DCDC2: variants seen among roughly 807,000 people sequenced by gnomAD.
DCDC2 encodes the protein doublecortin domain-containing protein 2.
DCDC2 carries 40 observed loss-of-function variants against 50.2 expected under a neutral mutation model. The observed-to-expected ratio is 0.80, with a 90% CI of 0.62 to 1.04. The LOEUF is 1.04. DCDC2 is among the 50% of genes least tolerant of loss of function. DCDC2 has a pLI of 0.00. For synonymous variants in DCDC2, 234 were observed against 210.6 expected (o/e 1.11, Z -0.96); for missense variants, 570 against 581.9 (o/e 0.98, Z 0.21).
In DCDC2 at chr6:24,262,432, C is replaced by T. The variant is rs151134323; in HGVS notation, c.922+15617G>A. ...AATAAACTTGAAAGACAGTCTAGGC[C>T]ACAAAGAGTGCAACTCCTGGGAAAG... On this transcript the variant is annotated intron_variant, in intron 7 of 9. Transcript: ENST00000378454. Among the ~76,000 whole-genome samples, 391 of 152,312 alleles carry T rather than the reference C, an allele frequency of 2.6e-3. 2 individuals carry two copies. Among genetic ancestry groups the T allele is most frequent in the African/African-American group, 8.8e-3 (365 of 41,576 alleles).
intron 7 of DCDC2, among the ~76,000 whole-genome samples, chr6:24,260,231 G>C (rs1038609507): frequency 6.6e-6 from 1 of 152,084 alleles, no homozygotes; most frequent in African/African-American, 2.4e-5. Flanking sequence ...AGCTATAAGG[G>C]ACAGCTAACT....
chr6:24,253,746 T>C (rs1419561869), intron 7 of DCDC2, among the ~76,000 whole-genome samples: 1 of 152,206 alleles, frequency 6.6e-6, no homozygotes, highest in Non-Finnish European at 1.5e-5. Context: ...TTACCATGAA[T>C]GGAGCTTGCA....
At chr6:24,271,262 A>AAAG (rs140552651) in intron 7 of DCDC2, among the ~76,000 whole-genome samples, 78 of 151,698 alleles carry the variant, frequency 5.1e-4, no homozygotes, top group African/African-American at 1.9e-3. Flanking sequence ...AAAAAGAAAA[A>AAAG]AAGAGAAAGG....
At chr6:24,379,650 G>C in the DCDC2 span, among the ~76,000 whole-genome samples, 1 of 152,116 alleles carries the variant, frequency 6.6e-6, no homozygotes, top group Non-Finnish European at 1.5e-5. Flanking sequence ...CAAAGATCTA[G>C]AACTAGAAAT....
At chr6:24,327,499 G>GT (rs1257016072) in intron 2 of DCDC2, among the ~76,000 whole-genome samples, 2 of 140,990 alleles carry the variant, frequency 1.4e-5, no homozygotes, top group African/African-American at 5.3e-5. Context: ...CTGATACGGA[G>GT]TTTTGCTCTT....
At chr6:24,223,568 A>G (rs1581596336) in intron 7 of DCDC2, among the ~76,000 whole-genome samples, 1 of 152,238 alleles carries the variant, frequency 6.6e-6, no homozygotes, top group East Asian at 1.9e-4. Flanking sequence ...TAGCAAATGA[A>G]TAACTGAATA....
intron 8 of DCDC2, among the ~76,000 whole-genome samples, chr6:24,200,382 C>A (rs1357980436): frequency 6.6e-6 from 1 of 152,160 alleles, no homozygotes; most frequent in Non-Finnish European, 1.5e-5. Context: ...GAATTTTCAA[C>A]CCAGATTTTC....
intron 2 of DCDC2, among the ~76,000 whole-genome samples, chr6:24,350,597 T>C (rs780813827): frequency 2.6e-5 from 4 of 152,142 alleles, no homozygotes; most frequent in Non-Finnish European, 4.4e-5. Context: ...TTTTGGTGAG[T>C]AAGTTATTTT....
intron 7 of DCDC2, among the ~76,000 whole-genome samples, chr6:24,230,091 C>CAT (rs1158767491): frequency 6.6e-6 from 1 of 152,192 alleles, no homozygotes; most frequent in Non-Finnish European, 1.5e-5. Context: ...AAACTTAAAA[C>CAT]ATAAAGTTTT....
At chr6:24,330,842 C>G (rs947461919) in intron 2 of DCDC2, among the ~76,000 whole-genome samples, 2 of 152,086 alleles carry the variant, frequency 1.3e-5, no homozygotes, top group Non-Finnish European at 2.9e-5. Flanking sequence ...TGCGATGAAC[C>G]CTTACGCAGC....
intron 8 of DCDC2, among the ~76,000 whole-genome samples, chr6:24,181,829 A>G (rs1761079682): frequency 6.6e-6 from 1 of 152,226 alleles, no homozygotes; most frequent in Non-Finnish European, 1.5e-5. Flanking sequence ...TATAAGTCAT[A>G]TGGAATCTCA....
chr6:24,196,191 AT>A (rs558105632), intron 8 of DCDC2, among the ~76,000 whole-genome samples: 4,193 of 145,102 alleles, frequency 0.029, 92 homozygotes, highest in African/African-American at 0.061. Flanking sequence ...CTTAATTAGG[AT>A]TTTTTTTTTC....
intron 2 of DCDC2, among the ~76,000 whole-genome samples, chr6:24,317,216 A>T (rs901664960): frequency 6.6e-6 from 1 of 152,102 alleles, no homozygotes; most frequent in African/African-American, 2.4e-5. Flanking sequence ...ACTTATTCTA[A>T]ACTACAATTT....
At chr6:24,372,140 G>T in the DCDC2 span, among the ~76,000 whole-genome samples, 1 of 152,160 alleles carries the variant, frequency 6.6e-6, no homozygotes, top group Non-Finnish European at 1.5e-5. Flanking sequence ...AAGGATTATA[G>T]GCCGGGCGCG....
intron 7 of DCDC2, among the ~76,000 whole-genome samples, chr6:24,258,521 T>C (rs547174621): frequency 1.3e-5 from 2 of 152,264 alleles, no homozygotes; most frequent in East Asian, 1.9e-4. Flanking sequence ...TGCAATCCTC[T>C]TGTAAGACAG....
chr6:24,179,734 C>G (rs1290639854), intron 8 of DCDC2, among the ~76,000 whole-genome samples: 1 of 148,938 alleles, frequency 6.7e-6, no homozygotes, highest in African/African-American at 2.5e-5. Context: ...GCGGGCAGAT[C>G]ACGAGGTCAG....
At chr6:24,338,465 T>C (rs1760097209) in intron 2 of DCDC2, among the ~76,000 whole-genome samples, 1 of 152,146 alleles carries the variant, frequency 6.6e-6, no homozygotes, top group South Asian at 2.1e-4. Context: ...TTACCCCACA[T>C]CCACTCAATC....
intron 7 of DCDC2, among the ~76,000 whole-genome samples, chr6:24,273,209 A>G (rs1025747744): frequency 1.3e-5 from 2 of 152,242 alleles, no homozygotes; most frequent in Admixed American, 6.5e-5. Context: ...AAGTTCTTAC[A>G]TATTAGTGAG....
At chr6:24,377,303 T>G in the DCDC2 span, among the ~76,000 whole-genome samples, 31 of 152,304 alleles carry the variant, frequency 2.0e-4, no homozygotes, top group African/African-American at 7.5e-4. Flanking sequence ...CAGTTTCACC[T>G]CTGAAACTGA....
Sources: allele counts gnomAD v4.1 joint callset (sites outside exome capture counted in the v4.1 genomes callset), GRCh38; gene constraint gnomAD v4.1.1; transcripts MANE v1.5; gene names NCBI Gene and HGNC (gene_info 2026-07-23, HGNC 2026-07-21).